Variants in TTC29 observed in about 807,000 individuals in gnomAD.
The protein encoded by TTC29 is tetratricopeptide repeat protein 29.
Under a neutral mutation model 58.1 loss-of-function variants are expected in TTC29, and 49 were observed. That is an observed-to-expected ratio of 0.84 (90% CI 0.67 to 1.07). TTC29 has a LOEUF of 1.07. Ranked by LOEUF, TTC29 falls within the 50% of genes least tolerant of loss-of-function variation. TTC29 has a pLI of 0.00. For missense variants in TTC29, 582 were observed against 555.6 expected (o/e 1.05, Z -0.48); for synonymous variants, 209 against 196.8 (o/e 1.06, Z -0.52).
chr4:146,776,430 TC>T (rs1748097829), intron 11 of TTC29, among the ~76,000 whole-genome samples: 1 of 151,028 alleles, frequency 6.6e-6, no homozygotes. Context: ...GAAGCTGCTG[TC>T]CTTTGGATGT....
intron 11 of TTC29, among the ~76,000 whole-genome samples, chr4:146,774,890 T>C (rs900745325): frequency 2.6e-5 from 4 of 152,214 alleles, no homozygotes; most frequent in Non-Finnish European, 4.4e-5. Flanking sequence ...CTAGGTCTCT[T>C]TGTAGTTCTT....
chr4:146,845,979 CG>C (rs1729144578), intron 8 of TTC29, among the ~76,000 whole-genome samples: 1 of 151,962 alleles, frequency 6.6e-6, no homozygotes, highest in Non-Finnish European at 1.5e-5. Flanking sequence ...TCTAGCTCCT[CG>C]TCTTATGTTA....
chr4:146,793,765 T>C (rs1308965624), intron 11 of TTC29, among the ~76,000 whole-genome samples: 2 of 152,306 alleles, frequency 1.3e-5, no homozygotes, highest in African/African-American at 4.8e-5. Flanking sequence ...CTGAGAACTC[T>C]ATCCAGTAGA....
chr4:146,867,428 C>T, intron 8 of TTC29, 70 bp downstream of exon 8: 1 of 765,688 alleles, frequency 1.3e-6, no homozygotes. Flanking sequence ...CTTGTAATAA[C>T]ATATAGGAAA....
At chr4:146,836,820 G>A (rs1225946732) in intron 8 of TTC29, among the ~76,000 whole-genome samples, 1 of 152,030 alleles carries the variant, frequency 6.6e-6, no homozygotes, top group Admixed American at 6.6e-5. Context: ...AGTTGGGATG[G>A]CTATTATCAA....
chr4:146,770,418 GA>G (rs1747644978), intron 11 of TTC29, among the ~76,000 whole-genome samples: 1 of 150,780 alleles, frequency 6.6e-6, no homozygotes, highest in African/African-American at 2.5e-5. Context: ...ACCTTGATGG[GA>G]AAACGTTTTC....
intron 8 of TTC29, among the ~76,000 whole-genome samples, chr4:146,842,938 C>T (rs1038284092): frequency 1.3e-5 from 2 of 152,074 alleles, no homozygotes; most frequent in Non-Finnish European, 2.9e-5. Flanking sequence ...GCAATCTAAC[C>T]CCCTTTAGCC....
chr4:146,897,490 C>T (rs756798107), intron 6 of TTC29, among the ~76,000 whole-genome samples: 3 of 152,122 alleles, frequency 2.0e-5, no homozygotes, highest in Non-Finnish European at 4.4e-5. Context: ...CCTATGACTG[C>T]AACCACAGGG....
intron 11 of TTC29, among the ~76,000 whole-genome samples, chr4:146,766,041 A>G (rs2150068405): frequency 6.6e-6 from 1 of 152,216 alleles, no homozygotes; most frequent in Non-Finnish European, 1.5e-5. Flanking sequence ...GGAAGCAGAG[A>G]GGTCTTGAGT....
chr4:146,752,493 T>C (rs1412188759), intron 11 of TTC29, among the ~76,000 whole-genome samples: 1 of 151,674 alleles, frequency 6.6e-6, no homozygotes, highest in Non-Finnish European at 1.5e-5. Flanking sequence ...AATTTATAGA[T>C]TCAGTGCCAT....
intron 11 of TTC29, among the ~76,000 whole-genome samples, chr4:146,711,468 C>T (rs547303638): frequency 3.5e-4 from 54 of 152,174 alleles, no homozygotes; most frequent in African/African-American, 6.5e-4. Context: ...TTAGCTACGC[C>T]GGTCCTGCCA....
In TTC29 at chr4:146,803,704, T is replaced by C. The variant is rs373587985; in HGVS notation, c.1102-19A>G. On this transcript the variant is annotated intron_variant, in intron 10 of 12. Coordinates refer to ENST00000325106, the MANE Select transcript of TTC29 (RefSeq NM_031956.4). ...AGTATCCCTAAAAAGGTAAGAGAAATAATTTTCTTTCTTACTTTTAATGTC... is the reference window on the plus strand; with the variant it reads ...AGTATCCCTAAAAAGGTAAGAGAAACAATTTTCTTTCTTACTTTTAATGTC... The C allele has an allele frequency of 1.3e-4, 192 of 1,517,388 alleles. 1 individual carries two copies. Among genetic ancestry groups the C allele is most frequent in the Non-Finnish European group, 9.4e-5 (106 of 1,125,004 alleles). 94.0% of individuals were successfully genotyped at this position (1,517,388 alleles called of 1,614,324 possible).
chr4:146,901,451 T>G (rs1733143001), intron 6 of TTC29, among the ~76,000 whole-genome samples: 2 of 152,206 alleles, frequency 1.3e-5, no homozygotes, highest in African/African-American at 4.8e-5. Context: ...TATTTGGAGT[T>G]TCCTGTATTA....
intron 11 of TTC29, among the ~76,000 whole-genome samples, chr4:146,708,046 G>A (rs113209250): frequency 1.3e-5 from 2 of 151,960 alleles, no homozygotes; most frequent in African/African-American, 4.8e-5. Flanking sequence ...TCTTGGCCAA[G>A]TCTCCAGCCT....
At chr4:146,804,338 G>T (rs1750450225) in intron 10 of TTC29, among the ~76,000 whole-genome samples, 1 of 151,434 alleles carries the variant, frequency 6.6e-6, no homozygotes, top group Non-Finnish European at 1.5e-5. Flanking sequence ...AGCTGCAGGA[G>T]TTTTTTTTTC....
chr4:146,719,193 T>G (rs998578963), intron 11 of TTC29, among the ~76,000 whole-genome samples: 12 of 129,928 alleles, frequency 9.2e-5, no homozygotes, highest in East Asian at 8.1e-4. Flanking sequence ...TATTGGGGTG[T>G]GTGTGTGTGT....
At chr4:146,776,276 A>G (rs934493238) in intron 11 of TTC29, among the ~76,000 whole-genome samples, 10 of 152,142 alleles carry the variant, frequency 6.6e-5, no homozygotes, top group African/African-American at 2.2e-4. Context: ...CATATTCTGA[A>G]TTCTATTTCT....
intron 4 of TTC29, among the ~76,000 whole-genome samples, chr4:146,913,139 C>G (rs1734002549): frequency 6.6e-6 from 1 of 152,146 alleles, no homozygotes; most frequent in Non-Finnish European, 1.5e-5. Flanking sequence ...CTTGCTCACA[C>G]AAGCAATGCC....
intron 11 of TTC29, among the ~76,000 whole-genome samples, chr4:146,730,405 C>G (rs919933717): frequency 1.3e-5 from 2 of 151,994 alleles, no homozygotes; most frequent in Admixed American, 6.6e-5. Context: ...GTGAGGAATT[C>G]AAGAGAAAGC....
Sources: gnomAD v4.1 joint callset for allele counts (sites outside exome capture counted in the v4.1 genomes callset) on GRCh38, gnomAD v4.1.1 for gene constraint, MANE v1.5 for transcripts, NCBI Gene and HGNC (gene_info 2026-07-23, HGNC 2026-07-21) for gene names.